The following ESCO1 variants were observed in gnomAD, a reference collection of about 807,000 sequenced individuals.
ESCO1 encodes N-acetyltransferase ESCO1.
In ESCO1, 33 loss-of-function variants were observed where a neutral mutation model predicts 83.5. The observed-to-expected ratio is 0.40, with a 90% CI of 0.30 to 0.53. The LOEUF (loss-of-function observed/expected upper bound fraction) is 0.53, where lower values mean the gene tolerates loss of function less well. Among genes scored for constraint, ESCO1 ranks in the 20% least tolerant of loss-of-function variants. The probability of loss-of-function intolerance (pLI) is 0.63; values close to 1 mark genes in which losing one functional copy is unlikely to be tolerated. For missense variants in ESCO1, 855 were observed against 968.0 expected, an observed-to-expected ratio of 0.88 and a Z score of 1.55; for synonymous variants, 332 against 324.3, an observed-to-expected ratio of 1.02 and a Z score of -0.25.
chr18:21,568,165 A>G, intron 4 of ESCO1, 71 bp from the exon 5 acceptor site: 2 of 1,143,008 alleles, frequency 1.7e-6, no homozygotes, highest in Admixed American at 2.0e-5. Flanking sequence ...AGTAAATTTT[A>G]GCATACTAAA....
intron 10 of ESCO1, among the ~76,000 whole-genome samples, chr18:21,535,078 T>C (rs1212454824): frequency 6.6e-6 from 1 of 152,194 alleles, no homozygotes; most frequent in Non-Finnish European, 1.5e-5. Flanking sequence ...TAAAATTTTA[T>C]TTACAAAAAC....
chr18:21,584,061 T>C (rs1332377576), intron 2 of ESCO1, among the ~76,000 whole-genome samples: 3 of 152,194 alleles, frequency 2.0e-5, no homozygotes, highest in Non-Finnish European at 2.9e-5. Flanking sequence ...GCATAAAATA[T>C]ATCTGGAAGG....
At chr18:21,576,189 T>C (rs894631893) in intron 2 of ESCO1, among the ~76,000 whole-genome samples, 6 of 151,634 alleles carry the variant, frequency 4.0e-5, no homozygotes, top group South Asian at 2.1e-4. Context: ...CAAACCCTAC[T>C]GGAAAAAAAA....
chr18:21,587,772 AC>A (rs1291963887), intron 1 of ESCO1, among the ~76,000 whole-genome samples: 2 of 152,142 alleles, frequency 1.3e-5, no homozygotes, highest in African/African-American at 4.8e-5. Context: ...CCCTATCTCT[AC>A]AAAAAATAAA....
chr18:21,591,337 G>C (rs2038664929), intron 1 of ESCO1, among the ~76,000 whole-genome samples: 1 of 152,160 alleles, frequency 6.6e-6, no homozygotes, highest in African/African-American at 2.4e-5. Context: ...ATGAGGCAAG[G>C]AACAAATTTA....
rs373665971 is a variant in ESCO1 at position 21,574,207 on chromosome 18, C to G, written c.637G>C (p.Ala213Pro). Residue 213 changes from alanine to proline, a missense_variant, in exon 4 of 12, where the codon GCT becomes CCT. Ala to Pro is a conservative substitution (Grantham distance 27). Transcript: ENST00000269214. ...GKKRKVEHQT[A>P]CACSSQCTQG... ...GTGCATTGAGAACTACAAGCACAAGCTGTCTGATGTTCTACCTTGCGTTTT... is the reference window on the plus strand; with the variant it reads ...GTGCATTGAGAACTACAAGCACAAGGTGTCTGATGTTCTACCTTGCGTTTT... The G allele has an allele frequency of 6.2e-7, 1 of 1,613,862 alleles. No individual in the cohort carries two copies. Among genetic ancestry groups the G allele is most frequent in the African/African-American group, 1.3e-5 (1 of 75,026 alleles).
intron 9 of ESCO1, among the ~76,000 whole-genome samples, chr18:21,538,936 G>T (rs573890217): frequency 6.6e-6 from 1 of 151,536 alleles, no homozygotes; most frequent in Non-Finnish European, 1.5e-5. Flanking sequence ...TTACCTTTTG[G>T]TTCCTGATTT....
intron 1 of ESCO1, among the ~76,000 whole-genome samples, chr18:21,591,666 T>A (rs939074709): frequency 6.6e-6 from 1 of 151,862 alleles, no homozygotes; most frequent in Non-Finnish European, 1.5e-5. Flanking sequence ...GATGCTTTTT[T>A]TTTTTTTTTA....
intron 1 of ESCO1, among the ~76,000 whole-genome samples, chr18:21,595,233 T>C (rs2038745308): frequency 6.6e-6 from 1 of 151,558 alleles, no homozygotes; most frequent in African/African-American, 2.4e-5. Flanking sequence ...TATGGAGAAA[T>C]TATCTAAGTG....
chr18:21,583,982 C>T (rs1173841869), intron 2 of ESCO1, among the ~76,000 whole-genome samples: 1 of 152,122 alleles, frequency 6.6e-6, no homozygotes, highest in African/African-American at 2.4e-5. Context: ...TAGCATGTCT[C>T]CCTTTGTGTA....
chr18:21,564,934 G>A (rs1311938081), intron 6 of ESCO1, among the ~76,000 whole-genome samples: 1 of 152,020 alleles, frequency 6.6e-6, no homozygotes, highest in Non-Finnish European at 1.5e-5. Flanking sequence ...AAATTAGCCA[G>A]GTGTGGCAGC....
At chr18:21,585,227 A>T (rs1347980153) in intron 1 of ESCO1, among the ~76,000 whole-genome samples, 1 of 151,914 alleles carries the variant, frequency 6.6e-6, no homozygotes, top group Non-Finnish European at 1.5e-5. Flanking sequence ...AAATATAATC[A>T]CTACTTCTTA....
intron 11 of ESCO1, 60 bp from the exon 12 acceptor site, chr18:21,530,550 T>G: frequency 1.5e-6 from 2 of 1,347,870 alleles, no homozygotes; most frequent in East Asian, 2.5e-5. Flanking sequence ...AAAAAAAAAA[T>G]TCTAATCATT....
chr18:21,548,783 T>A (rs2038007487), intron 8 of ESCO1, among the ~76,000 whole-genome samples: 1 of 151,816 alleles, frequency 6.6e-6, no homozygotes. Flanking sequence ...CTACAAAAAG[T>A]AAAATAATCA....
rs184626257 is a variant in ESCO1, at chr18:21,564,789, G to A, written c.1707-472C>T. Among the ~76,000 whole-genome samples, 760 of 152,114 alleles carry A rather than the reference G, an allele frequency of 5.0e-3. 15 individuals carry two copies. Among genetic ancestry groups the A allele is most frequent in the Non-Finnish European group, 3.0e-3 (201 of 68,006 alleles). On this transcript the variant is annotated intron_variant, in intron 6 of 11. Transcript: ENST00000269214. ...AATCAAGGAGCAGGCCTGGCATGGT[G>A]GCTCATGCCTATAAAATCCCAGCAC...
chr18:21,579,781 C>CAT (rs1568109730), intron 2 of ESCO1, among the ~76,000 whole-genome samples: 1 of 45,704 alleles, frequency 2.2e-5, no homozygotes, highest in African/African-American at 6.6e-5. Flanking sequence ...GACACACACA[C>CAT]ACACGCGCGC....
At chr18:21,565,565 T>C (rs1244465881) in intron 6 of ESCO1, among the ~76,000 whole-genome samples, 1 of 152,138 alleles carries the variant, frequency 6.6e-6, no homozygotes, top group Non-Finnish European at 1.5e-5. Flanking sequence ...GAACCAGAAA[T>C]ATCCAAAATG....
intron 2 of ESCO1, among the ~76,000 whole-genome samples, chr18:21,576,798 G>T (rs747231448): frequency 6.6e-6 from 1 of 152,140 alleles, no homozygotes; most frequent in Non-Finnish European, 1.5e-5. Flanking sequence ...ACTTTGGGAG[G>T]CCAAAGCAGG....
At chr18:21,581,535 C>T (rs1479969351) in intron 2 of ESCO1, among the ~76,000 whole-genome samples, 2 of 151,634 alleles carry the variant, frequency 1.3e-5, no homozygotes, top group Non-Finnish European at 2.9e-5. Context: ...CGTTGGAACC[C>T]GGGAGGCAGA....
Sources: gnomAD v4.1 joint callset for allele counts (sites outside exome capture counted in the v4.1 genomes callset) on GRCh38, gnomAD v4.1.1 for gene constraint, MANE v1.5 for transcripts, NCBI Gene and HGNC (gene_info 2026-07-23, HGNC 2026-07-21) for gene names.